Variants in CAPN3 observed in about 807,000 individuals in gnomAD.
CAPN3 encodes the protein calpain-3.
CAPN3 carries 88 observed loss-of-function variants against 114.0 expected under a neutral mutation model. That is an observed-to-expected ratio of 0.77 (90% CI 0.65 to 0.92). The LOEUF is 0.92. Ranked by LOEUF, CAPN3 falls within the 40% of genes least tolerant of loss-of-function variation. The pLI is 0.00. For missense variants in CAPN3, 1,028 were observed against 1,069.0 expected (o/e 0.96, Z 0.53); for synonymous variants, 386 against 382.9 (o/e 1.01, Z -0.09).
chr15:42,375,066 C>G (rs1209848503), intron 1 of CAPN3, among the ~76,000 whole-genome samples: 1 of 150,562 alleles, frequency 6.6e-6, no homozygotes. Context: ...GTTGCCCAGG[C>G]TGGTCTCAAA....
chr15:42,404,517 G>A (rs139655512), intron 14 of CAPN3: 296 of 452,772 alleles, frequency 6.5e-4, no homozygotes, highest in African/African-American at 5.4e-3. Flanking sequence ...TGGCAGGGTT[G>A]GAACTCACAT....
Position 42,399,654 on chromosome 15 carries a change from TGGGAGATGCTCTTGATGGG to T in CAPN3, c.1354+8_1354+26del. 2 of 1,596,290 alleles carry T rather than the reference TGGGAGATGCTCTTGATGGG, an allele frequency of 1.3e-6. No homozygotes were observed. Among genetic ancestry groups the T allele is most frequent in the Non-Finnish European group, 1.7e-6 (2 of 1,170,180 alleles). ...CCGGAGGCTGCCGCAACTTCCCAGG[TGGGAGATGCTCTTGATGGG>T]GGGAGGGTCTAAGCCGAAAAAGTTC... On this transcript the variant is annotated splice_donor_5th_base_variant and intron_variant, in intron 10 of 23. Transcript: ENST00000397163.
rs1880947572 is a variant in CAPN3, at chr15:42,396,902, C to T, written c.1193+25C>T. On this transcript the variant is annotated intron_variant, in intron 9 of 23. Coordinates refer to ENST00000397163, the MANE Select transcript of CAPN3 (RefSeq NM_000070.3). Reference sequence around the variant, plus strand: ...GGTGAGTCCAGAACCCAGGAAGACCCAGAAGGGTAAGGGTGGGGAAGAGAG... The same window carrying T: ...GGTGAGTCCAGAACCCAGGAAGACCTAGAAGGGTAAGGGTGGGGAAGAGAG... The T allele has an allele frequency of 2.6e-6, 4 of 1,562,730 alleles. No individual in the cohort carries two copies. The African/African-American group carries it at 5.4e-5, about 21-fold the overall frequency.
intron 1 of CAPN3, among the ~76,000 whole-genome samples, chr15:42,378,044 G>A (rs970424422): frequency 6.6e-6 from 1 of 152,134 alleles, no homozygotes; most frequent in Non-Finnish European, 1.5e-5. Context: ...CTCGTGCGAC[G>A]GATGAATAAC....
In CAPN3 at chr15:42,410,667, G is replaced by A. The variant is rs886044475; in HGVS notation, c.2263+1G>A. 2 of 1,612,796 alleles carry A rather than the reference G, an allele frequency of 1.2e-6. No homozygotes were observed. The highest frequency in any genetic ancestry group is 1.7e-6 in the Non-Finnish European group (2 of 1,179,018). ...ATGCGAAATGCAGTCAACGACGCAG[G>A]TGCTGAGAAGGAAGGGGTGGCAGGG... On this transcript the variant is annotated splice_donor_variant, in intron 21 of 23. Coordinates refer to ENST00000397163, the MANE Select transcript of CAPN3 (RefSeq NM_000070.3). LOFTEE classifies it high-confidence loss of function.
chr15:42,385,317 C>A (rs1256944164), intron 2 of CAPN3, among the ~76,000 whole-genome samples: 2 of 152,094 alleles, frequency 1.3e-5, no homozygotes, highest in African/African-American at 4.8e-5. Flanking sequence ...GGAAGGCTTC[C>A]TGCAGAGCCC....
At chr15:42,389,206 T>A (rs1450796396) in intron 5 of CAPN3, 110 bp downstream of exon 5, 1 of 1,053,596 alleles carries the variant, frequency 9.5e-7, no homozygotes, top group African/African-American at 1.6e-5. Context: ...AATGTTTTGT[T>A]TGAGGAAGCA....
At chr15:42,370,675 C>G (rs1239872626) in intron 1 of CAPN3, among the ~76,000 whole-genome samples, 5 of 152,168 alleles carry the variant, frequency 3.3e-5, no homozygotes, top group Non-Finnish European at 7.4e-5. Context: ...GGTCTGAACA[C>G]TGACTCGGCC....
rs762471207 is a variant in CAPN3 at position 42,409,368 on chromosome 15, GA to G, written c.1981del (p.Ile661Ter). ...AACAATTCCGGAACATTTTCAAGCAGATAGCAGGAGATGTGAGTACCTCCAA... is the reference window on the plus strand; with the variant it reads ...AACAATTCCGGAACATTTTCAAGCAGTAGCAGGAGATGTGAGTACCTCCAA... ...QQQFRNIFKQ[I>X]AGDDMEICAD... is the part of the protein sequence containing the mutation. On this transcript the variant is annotated frameshift_variant, in exon 17 of 24. Transcript: ENST00000397163. LOFTEE classifies it high-confidence loss of function. 3.5e-5 allele frequency: 56 copies of G among 1,614,018 alleles called. No individual in the cohort carries two copies. Among genetic ancestry groups the G allele is most frequent in the Non-Finnish European group, 4.7e-5 (56 of 1,179,972 alleles).
chr15:42,410,979 G>A lies in CAPN3; in HGVS notation c.2359G>A (p.Val787Ile), dbSNP rs755736723. 26 of 1,613,762 alleles carry A rather than the reference G, an allele frequency of 1.6e-5. No individual in the cohort carries two copies. Among genetic ancestry groups the A allele is most frequent in the East Asian group, 1.1e-4 (5 of 44,902 alleles). The change falls in exon 22 of 24, where the codon GTT (valine) becomes ATT (isoleucine). Residue 787 changes from valine (V) to isoleucine (I), a missense_variant. Transcript: ENST00000397163. ...IDFDSFICCFVRLEGMFRAFH... is the reference protein window; with the variant it reads ...IDFDSFICCFIRLEGMFRAFH... ...CTTTGACAGTTTCATCTGCTGCTTC[G>A]TTAGGCTGGAGGGCATGTTCAGTAA... is the stretch of plus-strand genomic sequence containing the variant.
intron 1 of CAPN3, among the ~76,000 whole-genome samples, chr15:42,381,006 A>G (rs981379467): frequency 6.6e-6 from 1 of 151,986 alleles, no homozygotes; most frequent in Non-Finnish European, 1.5e-5. Flanking sequence ...TATACCATTT[A>G]GTTTGTACTC....
chr15:42,400,784 G>A (rs2053840241), intron 10 of CAPN3, among the ~76,000 whole-genome samples: 1 of 152,148 alleles, frequency 6.6e-6, no homozygotes, highest in Non-Finnish European at 1.5e-5. Context: ...CTTGGGACAT[G>A]GAAAGTTTGA....
chr15:42,383,916 T>C (rs1395661927), intron 1 of CAPN3, among the ~76,000 whole-genome samples: 1 of 151,984 alleles, frequency 6.6e-6, no homozygotes, highest in East Asian at 1.9e-4. Flanking sequence ...TCGAATAGTA[T>C]GACAGTGTGG....
intron 1 of CAPN3, 92 bp downstream of exon 1, chr15:42,360,206 A>G: frequency 7.2e-7 from 1 of 1,380,356 alleles, no homozygotes; most frequent in South Asian, 1.2e-5. Flanking sequence ...GCACATGGGC[A>G]CTGGGGGAAG....
intron 1 of CAPN3, among the ~76,000 whole-genome samples, chr15:42,369,763 C>T (rs1004559171): frequency 7.2e-5 from 11 of 152,006 alleles, no homozygotes; most frequent in Non-Finnish European, 1.5e-4. Context: ...AAACCCAGTT[C>T]CTTTGGTCTG....
intron 1 of CAPN3, among the ~76,000 whole-genome samples, chr15:42,380,743 ATATATATATTT>A (rs2053223793): frequency 1.7e-5 from 1 of 59,312 alleles, no homozygotes; most frequent in African/African-American, 8.9e-5. Context: ...ATATATATAT[ATATATATATTT>A]TTTTTTTTTT....
chr15:42,371,894 A>G (rs2052958192), intron 1 of CAPN3, among the ~76,000 whole-genome samples: 1 of 151,880 alleles, frequency 6.6e-6, no homozygotes, highest in African/African-American at 2.4e-5. Context: ...AACCCAGGAG[A>G]CAGAGGTTGC....
chr15:42,407,357 C>T (rs868266278), intron 15 of CAPN3, among the ~76,000 whole-genome samples: 1 of 151,770 alleles, frequency 6.6e-6, no homozygotes, highest in African/African-American at 2.4e-5. Context: ...TTGAGACAGT[C>T]TCACTCTGTC....
chr15:42,402,392 C>G (rs946999427), intron 12 of CAPN3: 13 of 1,445,156 alleles, frequency 9.0e-6, no homozygotes, highest in African/African-American at 1.4e-5. Context: ...CACACTCACC[C>G]TCCTCCACGC....
Sources: allele counts gnomAD v4.1 joint callset (sites outside exome capture counted in the v4.1 genomes callset), GRCh38; gene constraint gnomAD v4.1.1; transcripts MANE v1.5; gene names NCBI Gene and HGNC (gene_info 2026-07-23, HGNC 2026-07-21).